The following TTC6 variants were observed in gnomAD, a reference collection of about 807,000 sequenced individuals.
TTC6 encodes tetratricopeptide repeat domain 6, also known as tetratricopeptide repeat protein 6.
In TTC6, 172 loss-of-function variants were observed where a neutral mutation model predicts 210.4. The observed-to-expected ratio is 0.82, with a 90% CI of 0.72 to 0.93. The LOEUF (loss-of-function observed/expected upper bound fraction) is 0.93. Among genes scored for constraint, TTC6 ranks in the 40% least tolerant of loss-of-function variants. The pLI is 0.00. For missense variants in TTC6, 2,414 were observed against 2,318.1 expected, an observed-to-expected ratio of 1.04 and a Z score of -0.85; for synonymous variants, 804 against 819.6, an observed-to-expected ratio of 0.98 and a Z score of 0.32.
chr14:37,812,696 A>G (rs988498711), intron 25 of TTC6, among the ~76,000 whole-genome samples: 1 of 151,594 alleles, frequency 6.6e-6, no homozygotes, highest in Admixed American at 6.6e-5. Flanking sequence ...AAGGGAGTAC[A>G]GACAAAACTC....
chr14:37,664,920 G>T (rs949161227), intron 1 of TTC6, among the ~76,000 whole-genome samples: 2 of 150,592 alleles, frequency 1.3e-5, no homozygotes, highest in African/African-American at 4.8e-5. Flanking sequence ...CTGATTATTA[G>T]AGAAATGAAA....
upstream of TTC6, chr14:37,622,061 C>T (rs1484760949): frequency 6.6e-7 from 1 of 1,514,710 alleles, no homozygotes; most frequent in Non-Finnish European, 8.8e-7. Context: ...TCAAATTTGT[C>T]AAGATGTCCA....
intron 25 of TTC6, among the ~76,000 whole-genome samples, chr14:37,814,166 T>G (rs1217990323): frequency 6.6e-6 from 1 of 152,216 alleles, no homozygotes; most frequent in Non-Finnish European, 1.5e-5. Flanking sequence ...AGACCTTACT[T>G]GATATGACTG....
At chr14:37,788,221 A>G (rs2096072276) in intron 15 of TTC6, among the ~76,000 whole-genome samples, 1 of 152,174 alleles carries the variant, frequency 6.6e-6, no homozygotes, top group East Asian at 1.9e-4. Flanking sequence ...TGGTTTATGC[A>G]TGTGCCCAGC....
chr14:37,824,631 T>C (rs2096166088), intron 27 of TTC6, among the ~76,000 whole-genome samples: 1 of 152,140 alleles, frequency 6.6e-6, no homozygotes, highest in Non-Finnish European at 1.5e-5. Flanking sequence ...AAACAATTAA[T>C]CATATGAATA....
intron 1 of TTC6, among the ~76,000 whole-genome samples, chr14:37,625,514 C>CTG (rs1341938320): frequency 6.7e-6 from 1 of 149,160 alleles, no homozygotes; most frequent in Non-Finnish European, 1.5e-5. Flanking sequence ...CACCATTGGA[C>CTG]TCCAGCCTGG....
chr14:37,791,292 G>A (rs2096078611), intron 16 of TTC6, among the ~76,000 whole-genome samples: 1 of 152,064 alleles, frequency 6.6e-6, no homozygotes, highest in African/African-American at 2.4e-5. Flanking sequence ...GTTTAGTAAA[G>A]CAAAATAAAA....
intron 2 of TTC6, among the ~76,000 whole-genome samples, chr14:37,614,187 A>G (rs1353583946): frequency 1.3e-5 from 2 of 152,092 alleles, no homozygotes; most frequent in Non-Finnish European, 2.9e-5. Context: ...TTAAGATTTA[A>G]TAATATCTTT....
At chr14:37,823,815 A>G in exon 27 of TTC6, 2 of 1,614,054 alleles carry the variant, frequency 1.2e-6, no homozygotes, top group Non-Finnish European at 1.7e-6. Flanking sequence ...TGTTTTCTGG[A>G]TGCTTATGTT....
Position 37,796,320 on chromosome 14 carries a change from AT to A in TTC6, c.3820del (p.Tyr1274MetfsTer11). The A allele has an allele frequency of 7.7e-7, 1 of 1,290,486 alleles. No individual in the cohort carries two copies. Among genetic ancestry groups the A allele is most frequent in the Non-Finnish European group, 1.1e-6 (1 of 914,402 alleles). 79.9% of individuals were successfully genotyped at this position (1,290,486 alleles called of 1,614,324 possible). A position where few individuals can be genotyped will look rare whatever the true frequency, so the allele number is the denominator to read the frequency against. ...GGACAATATCTTCTTATGATGAAAT[AT>A]TATGATCTTGCAAAGTTTACTATTT... is the stretch of plus-strand genomic sequence containing the variant. On this transcript the variant is annotated frameshift_variant, in exon 19 of 31. Transcript: ENST00000553443. LOFTEE classifies it high-confidence loss of function.
rs143292033 is a variant in TTC6, at chr14:37,797,587, G to A, written c.4029+640G>A. On this transcript the variant is annotated intron_variant, in intron 20 of 30. Transcript: ENST00000553443. ...AGTATCTTCTTACAGTTTGTGCCTC[G>A]TCTTTTGTCTCTGTGGTGTCTTCTG... 5.7e-3 allele frequency among the ~76,000 whole-genome samples: 869 copies of A among 151,318 alleles called. 11 individuals carry two copies. The highest frequency in any genetic ancestry group is 0.02 in the African/African-American group (829 of 41,256).
intron 25 of TTC6, among the ~76,000 whole-genome samples, chr14:37,814,378 G>A (rs981374518): frequency 6.6e-6 from 1 of 152,048 alleles, no homozygotes; most frequent in Non-Finnish European, 1.5e-5. Context: ...CTGCTGAAAT[G>A]TGACCTCCTC....
upstream of TTC6, among the ~76,000 whole-genome samples, chr14:37,618,845 GC>G (rs1479783801): frequency 1.3e-5 from 2 of 152,196 alleles, no homozygotes; most frequent in African/African-American, 4.8e-5. Context: ...AACTTCAATA[GC>G]AAACCAAAGG....
At chr14:37,671,020 A>C (rs184564978) in intron 1 of TTC6, among the ~76,000 whole-genome samples, 51 of 152,312 alleles carry the variant, frequency 3.3e-4, no homozygotes, top group South Asian at 2.1e-4. Flanking sequence ...AAAACAATGA[A>C]CATTTAGTTC....
intron 10 of TTC6, among the ~76,000 whole-genome samples, chr14:37,739,491 C>T (rs1229944746): frequency 1.3e-5 from 2 of 149,800 alleles, no homozygotes; most frequent in Non-Finnish European, 3.0e-5. Flanking sequence ...AGAGGTTGAA[C>T]CTGGGAGGTG....
intron 1 of TTC6, among the ~76,000 whole-genome samples, chr14:37,677,101 C>T (rs2095771585): frequency 1.3e-5 from 2 of 151,852 alleles, no homozygotes; most frequent in Admixed American, 1.3e-4. Flanking sequence ...GAAAAAAAGG[C>T]CCTTGTTTTT....
rs145310266 is a variant in TTC6 at position 37,664,843 on chromosome 14, G to A, written c.940-15308G>A. Among the ~76,000 whole-genome samples the A allele has an allele frequency of 3.6e-3, 546 of 150,662 alleles. 9 individuals carry two copies. Among genetic ancestry groups the A allele is most frequent in the African/African-American group, 0.013 (524 of 41,434 alleles). The stretch of plus-strand genomic sequence containing the variant: ...CCATTAAAAAGTGGGTAAAGGACAT[G>A]AGCAGACATTTCTCAAAAGAAGACA... On this transcript the variant is annotated intron_variant, in intron 1 of 30. Transcript: ENST00000553443.
At chr14:37,772,513 G>C (rs149870050) in intron 14 of TTC6, 1 of 152,746 alleles carries the variant, frequency 6.5e-6, no homozygotes, top group South Asian at 2.1e-4. Context: ...GTAGTGTGCC[G>C]TTTTTTAAGC....
At chr14:37,622,432 G>A (rs774200372) in exon 1 of TTC6, 1 of 1,535,052 alleles carries the variant, frequency 6.5e-7, no homozygotes, top group South Asian at 1.2e-5. Flanking sequence ...TTTTACTTGC[G>A]GAGCTCCGCG....
Sources: allele counts gnomAD v4.1 joint callset (sites outside exome capture counted in the v4.1 genomes callset), GRCh38; gene constraint gnomAD v4.1.1; transcripts MANE v1.5; gene names NCBI Gene and HGNC (gene_info 2026-07-23, HGNC 2026-07-21).